USP6: variants seen among roughly 807,000 people sequenced by gnomAD.
The protein encoded by USP6 is ubiquitin carboxyl-terminal hydrolase 6.
USP6 carries 128 observed loss-of-function variants against 175.7 expected under a neutral mutation model. The observed-to-expected ratio is 0.73, with a 90% confidence interval of 0.63 to 0.84. USP6 has a LOEUF of 0.84. Among genes scored for constraint, USP6 ranks in the 40% least tolerant of loss-of-function variants. The pLI, the probability that USP6 is intolerant of heterozygous loss-of-function variation, is 0.00. For missense variants in USP6, 1,498 were observed against 1,760.3 expected (o/e 0.85, Z 2.67); for synonymous variants, 562 against 630.6 (o/e 0.89, Z 1.63).
chr17:5,142,576 T>A lies in USP6; in HGVS notation c.1818+74T>A, dbSNP rs1436066572. The A allele has an allele frequency of 4.6e-6, 7 of 1,514,508 alleles. No individual in the cohort carries two copies. In the African/African-American group the frequency reaches 8.4e-5, roughly 18 times the overall value. 93.8% of individuals were successfully genotyped at this position (1,514,508 alleles called of 1,614,324 possible). A position where few individuals can be genotyped will look rare whatever the true frequency, so the allele number is the denominator to read the frequency against. On this transcript the variant is annotated intron_variant, in intron 25 of 37. Transcript: ENST00000574788. ...TTAATCATTTTTCTCTACTTGTTTT[T>A]TGTGTTTAGCCTTTTAGCTTAATGA...
intron 25 of USP6, among the ~76,000 whole-genome samples, chr17:5,143,853 G>C (rs1262918750): frequency 1.3e-5 from 2 of 152,212 alleles, no homozygotes; most frequent in East Asian, 1.9e-4. Context: ...TTGAACCCGG[G>C]ATGTGGTGTT....
In USP6 at chr17:5,132,652, C is replaced by T. The variant is rs1351306694; in HGVS notation, c.195+217C>T. Among the ~76,000 whole-genome samples, 1 of 152,158 alleles carries T rather than the reference C, an allele frequency of 6.6e-6. No individual in the cohort carries two copies. The highest frequency in any genetic ancestry group is 1.5e-5 in the Non-Finnish European group (1 of 68,024). ...ACAGTCCTGGCTTGGGGGGTGGCTG[C>T]GCGCTTGTGTCAGGACCCCACCTAG... On this transcript the variant is annotated intron_variant, in intron 12 of 37. Coordinates refer to ENST00000574788, the MANE Select transcript of USP6 (RefSeq NM_001304284.2). This position sits in a 1 kb window ranked among gnomAD's most constrained non-coding sequence, Gnocchi z 4.7.
chr17:5,163,457 A>G (rs2074043647), intron 33 of USP6, among the ~76,000 whole-genome samples: 1 of 152,128 alleles, frequency 6.6e-6, no homozygotes, highest in Admixed American at 6.5e-5. Flanking sequence ...TTGGAAACTA[A>G]GTTCTCAGAA....
At position 5,161,602 on chromosome 17, in the gene USP6, G is replaced by A. The variant is rs1477433136; in HGVS notation, c.2903G>A (p.Cys968Tyr). Residue 968 changes from cysteine (C) to tyrosine (Y), a missense_variant, in exon 32 of 38, where the codon TGC becomes TAC. Physicochemically the swap from Cys to Tyr is radical, Grantham distance 194. Around this residue, in one of 2 missense-constraint regions of USP6, gnomAD observed 1,217 missense variants for 1,500.8 expected, o/e 0.81. Transcript: ENST00000574788. ...VQKDGNSCAWCPQYRFCRGCK... is the reference protein window; with the variant it reads ...VQKDGNSCAWYPQYRFCRGCK... The stretch of plus-strand genomic sequence containing the variant: ...AAAGATGGGAACTCCTGTGCTTGGT[G>A]CCCACAGTATAGGTAAAGTGACCTG... 1 of 1,613,854 alleles carries A rather than the reference G, an allele frequency of 6.2e-7. No individual in the cohort carries two copies. The highest frequency in any genetic ancestry group is 2.2e-5 in the East Asian group (1 of 44,900).
At chr17:5,145,352 A>C in intron 26 of USP6, 53 bp from the exon 27 acceptor site, 1 of 1,511,576 alleles carries the variant, frequency 6.6e-7, no homozygotes, top group Non-Finnish European at 8.8e-7. Context: ...ATTTATATAG[A>C]AATGCCTCTC....
intron 20 of USP6, 73 bp downstream of exon 20, chr17:5,137,823 C>G: frequency 6.3e-7 from 1 of 1,596,048 alleles, no homozygotes; most frequent in Non-Finnish European, 8.5e-7. Flanking sequence ...GGGCAGCTTC[C>G]TCACACTGTC....
rs375831983 is a variant in USP6, at chr17:5,168,981, C to A, written c.3443C>A (p.Ser1148Ter). 9 of 1,613,958 alleles carry A rather than the reference C, an allele frequency of 5.6e-6. No homozygotes were observed. Among genetic ancestry groups the A allele is most frequent in the African/African-American group, 1.3e-5 (1 of 75,042 alleles). Residue 1148 changes from serine to a stop codon, truncating the protein, a stop_gained, in exon 35 of 38, where the codon TCG becomes TAG. Transcript: ENST00000574788. LOFTEE classifies it high-confidence loss of function. ...REVKKVDAQSSAGKEDMLLSK... is the reference protein window; with the variant it reads ...REVKKVDAQS ...GTGAAGAAAGTGGATGCGCAGAGTT[C>A]GGCTGGAAAAGAGGACATGCTCCTA...
In USP6 at chr17:5,130,244, G is replaced by A. The variant is rs72830916; in HGVS notation, c.-1-123G>A. The A allele has an allele frequency of 1.9e-4, 168 of 894,680 alleles. 1 individual carries two copies. The highest frequency in any genetic ancestry group is 5.9e-4 in the South Asian group (41 of 69,288). The allele number at this position is 894,680 out of a possible 1,614,324, so 55.4% of individuals were successfully genotyped here. A position where few individuals can be genotyped will look rare whatever the true frequency, so the allele number is the denominator to read the frequency against. On this transcript the variant is annotated intron_variant, in intron 9 of 37. Transcript: ENST00000574788. ...CCATGGGGTTTGGCCCCTTTTTACC[G>A]GAGTGCAGTGGTGGAATGAAGGTTA...
At position 5,132,334 on chromosome 17, in the gene USP6, C is replaced by A; in HGVS notation, c.156-62C>A. 2 of 1,612,006 alleles carry A rather than the reference C, an allele frequency of 1.2e-6. No individual in the cohort carries two copies. Among genetic ancestry groups the A allele is most frequent in the Non-Finnish European group, 1.7e-6 (2 of 1,179,814 alleles). Reference sequence around the variant, plus strand: ...AGCCAGTCCTTTCTGGGGGTCGGCTCCCAGGCTTGGGCGGCTCCAGGCCCT... The same window carrying A: ...AGCCAGTCCTTTCTGGGGGTCGGCTACCAGGCTTGGGCGGCTCCAGGCCCT... On this transcript the variant is annotated intron_variant, in intron 11 of 37. Transcript: ENST00000574788. This position sits in a 1 kb window ranked among gnomAD's most constrained non-coding sequence, Gnocchi z 4.7.
At chr17:5,152,558 A>G (rs935383048) in intron 30 of USP6, among the ~76,000 whole-genome samples, 7 of 152,234 alleles carry the variant, frequency 4.6e-5, no homozygotes, top group African/African-American at 1.7e-4. Context: ...AAAACATTAC[A>G]TGTCCATTAG....
intron 4 of USP6, among the ~76,000 whole-genome samples, chr17:5,123,431 C>T (rs1458463230): frequency 6.6e-6 from 1 of 151,994 alleles, no homozygotes; most frequent in Admixed American, 6.5e-5. Flanking sequence ...AAGGCCAGCG[C>T]CAGTGAGTGC....
chr17:5,159,472 C>T (rs1312720825), intron 31 of USP6, among the ~76,000 whole-genome samples: 1 of 152,070 alleles, frequency 6.6e-6, no homozygotes, highest in Non-Finnish European at 1.5e-5. Flanking sequence ...ACACAGTGAA[C>T]TAGGTGCTGC....
chr17:5,168,200 G>T (rs1306695245), intron 34 of USP6, 77 bp downstream of exon 34: 3 of 1,469,134 alleles, frequency 2.0e-6, no homozygotes, highest in Non-Finnish European at 2.7e-6. Context: ...AGGAGGTTTT[G>T]TTATTTTTGA....
rs138857488 is a variant in USP6, at chr17:5,142,068, A to G, written c.1639A>G (p.Ile547Val). 170 of 1,613,948 alleles carry G rather than the reference A, an allele frequency of 1.1e-4. 1 individual carries two copies. The highest frequency in any genetic ancestry group is 1.1e-5 in the Non-Finnish European group (13 of 1,179,856). ...AAACACATGCTTCATGAACTCAAGC[A>G]TCCAGTGCGTTAGTAACACACAGCC... is the stretch of plus-strand genomic sequence containing the variant. ...LGNTCFMNSS[I>V]QCVSNTQPLT... The change falls in exon 24 of 38, where the codon ATC (isoleucine) becomes GTC (valine). Residue 547 changes from isoleucine (I) to valine (V), a missense_variant. Ile to Val is a conservative substitution (Grantham distance 29). This residue lies in a region of USP6 where 1,217 missense variants were observed against 1,500.8 expected (regional missense o/e 0.81). Transcript: ENST00000574788.
rs747723263 is a variant in USP6 at position 5,132,424 on chromosome 17, C to T, written c.184C>T (p.Arg62Trp). Residue 62 changes from arginine to tryptophan, a missense_variant, in exon 12 of 38, where the codon CGG becomes TGG. Arg to Trp is a moderately radical substitution (Grantham distance 101, BLOSUM62 -3). Around this residue, in one of 2 missense-constraint regions of USP6, gnomAD observed 281 missense variants for 259.6 expected, o/e 1.08. Coordinates refer to ENST00000574788, the MANE Select transcript of USP6 (RefSeq NM_001304284.2). This position sits in a 1 kb window ranked among gnomAD's most constrained non-coding sequence, Gnocchi z 4.7. ...GACGGAGCTGCCTCCTGTGACTGCA[C>T]GGGAGGCGAAGGTAAGAGCCTGATG... Reference protein sequence around the residue: ...HETELPPVTAREAKKIRREMT... With the variant: ...HETELPPVTAWEAKKIRREMT... 42 of 1,611,958 alleles carry T rather than the reference C, an allele frequency of 2.6e-5. No homozygotes were observed. Among genetic ancestry groups the T allele is most frequent in the African/African-American group, 1.1e-4 (8 of 74,832 alleles).
chr17:5,133,638 G>GT, intron 14 of USP6, 88 bp downstream of exon 14: 1 of 1,012,722 alleles, frequency 9.9e-7, no homozygotes, highest in South Asian at 1.3e-5. Flanking sequence ...CCACCCTGGG[G>GT]TGGGGGGGTG....
At chr17:5,156,861 C>T (rs1305514612) in intron 31 of USP6, among the ~76,000 whole-genome samples, 1 of 151,250 alleles carries the variant, frequency 6.6e-6, no homozygotes, top group Non-Finnish European at 1.5e-5. Flanking sequence ...ACCTGAGTAG[C>T]TGGGATTACA....
At chr17:5,155,072 T>C (rs1269700941) in intron 30 of USP6, among the ~76,000 whole-genome samples, 1 of 152,230 alleles carries the variant, frequency 6.6e-6, no homozygotes, top group Admixed American at 6.5e-5. Context: ...AGAGTCTCAA[T>C]TGTTTAAAAG....
intron 30 of USP6, among the ~76,000 whole-genome samples, chr17:5,151,669 A>G (rs2073776963): frequency 6.6e-6 from 1 of 152,214 alleles, no homozygotes; most frequent in South Asian, 2.1e-4. Flanking sequence ...ACTGGGATAG[A>G]ATAGAGAGCC....
Sources: gnomAD v4.1 joint callset for allele counts (sites outside exome capture counted in the v4.1 genomes callset) on GRCh38, gnomAD v4.1.1 for gene constraint, gnomAD v4.1.1 regional missense constraint, Gnocchi (gnomAD v3.1) non-coding constraint, MANE v1.5 for transcripts, NCBI Gene and HGNC (gene_info 2026-07-23, HGNC 2026-07-21) for gene names.